The following FDPS variants were observed in gnomAD, a reference collection of about 807,000 sequenced individuals.
FDPS encodes the protein farnesyl pyrophosphate synthase.
FDPS carries 29 observed loss-of-function variants against 49.5 expected under a neutral mutation model. The ratio of observed to expected loss-of-function variants is 0.59; its 90% CI spans 0.44 to 0.80. The LOEUF is 0.80. Ranked by LOEUF, FDPS falls within the 30% of genes least tolerant of loss-of-function variation. The pLI is 0.00. For synonymous variants in FDPS, 172 were observed against 206.4 expected (o/e 0.83, Z 1.43); for missense variants, 414 against 525.6 (o/e 0.79, Z 2.08).
At chr1:155,313,197 A>G (rs1490893012) in intron 4 of FDPS, among the ~76,000 whole-genome samples, 1 of 152,232 alleles carries the variant, frequency 6.6e-6, no homozygotes, top group African/African-American at 2.4e-5. Flanking sequence ...CAATTGGCTG[A>G]AGCTGAGTGG....
Position 155,319,852 on chromosome 1 carries a change from T to C in FDPS, c.983T>C (p.Ile328Thr), listed in dbSNP as rs1468866612. 4 of 1,613,958 alleles carry C rather than the reference T, an allele frequency of 2.5e-6. No individual in the cohort carries two copies. Among genetic ancestry groups the C allele is most frequent in the East Asian group, 4.5e-5 (2 of 44,896 alleles). Residue 328 changes from isoleucine (I) to threonine (T), a missense_variant, in exon 10 of 11, where the codon ATC becomes ACC. Coordinates refer to ENST00000368356, the MANE Select transcript of FDPS (RefSeq NM_002004.4). ...GTGACCGGCAAAATTGGCACTGACA[T>C]CCAGGACAACAAATGCAGCTGGCTG... Reference protein sequence around the residue: ...PSVTGKIGTDIQDNKCSWLVV... With the variant: ...PSVTGKIGTDTQDNKCSWLVV...
At chr1:155,311,539 G>A (rs1648796898) in intron 3 of FDPS, among the ~76,000 whole-genome samples, 1 of 152,142 alleles carries the variant, frequency 6.6e-6, no homozygotes, top group Admixed American at 6.5e-5. Context: ...CTGGTAGGCA[G>A]AGGTGGCTGG....
chr1:155,319,599 C>G lies in FDPS; in HGVS notation c.847-12C>G. 3.1e-6 allele frequency: 5 copies of G among 1,613,780 alleles called. No individual in the cohort carries two copies. The highest frequency in any genetic ancestry group is 4.2e-6 in the Non-Finnish European group (5 of 1,179,958). On this transcript the variant is annotated splice_polypyrimidine_tract_variant and intron_variant, in intron 8 of 10. Coordinates refer to ENST00000368356, the MANE Select transcript of FDPS (RefSeq NM_002004.4). ...CCTGGGGTTTGGCTTATTAACCCCC[C>G]TTTCCCTGCAGGCAGGAATTGATGG...
Position 155,309,807 on chromosome 1 carries a change from G to A in FDPS, c.18G>A (p.Trp6Ter), listed in dbSNP as rs906448525. Reference sequence around the variant, plus strand: ...CTCCCAGGATGCCCCTGTCCCGCTGGTTGAGATCTGTGGGGGTCTTCCTGC... The same window carrying A: ...CTCCCAGGATGCCCCTGTCCCGCTGATTGAGATCTGTGGGGGTCTTCCTGC... The part of the protein sequence containing the change: MPLSR[W>*]LRSVGVFLLP... Residue 6 changes from tryptophan (W) to a stop codon, truncating the protein, a stop_gained, in exon 2 of 11, where the codon TGG becomes TGA. Transcript: ENST00000368356. LOFTEE classifies it high-confidence loss of function. 2 of 1,562,828 alleles carry A rather than the reference G, an allele frequency of 1.3e-6. No homozygotes were observed. Among genetic ancestry groups the A allele is most frequent in the Non-Finnish European group, 8.7e-7 (1 of 1,148,082 alleles).
intron 4 of FDPS, among the ~76,000 whole-genome samples, chr1:155,314,465 C>T (rs1177307593): frequency 6.6e-6 from 1 of 151,890 alleles, no homozygotes; most frequent in Non-Finnish European, 1.5e-5. Flanking sequence ...AGGCGTGAGC[C>T]ACCACGCCTG....
chr1:155,320,175 AAT>A (rs1278450320), intron 10 of FDPS: 1 of 644,158 alleles, frequency 1.6e-6, no homozygotes, highest in African/African-American at 1.8e-5. Context: ...CCCAAATTTC[AAT>A]AGTGCCAAGG....
At chr1:155,315,941 AAAT>A (rs1402248131) in intron 4 of FDPS, among the ~76,000 whole-genome samples, 1 of 151,966 alleles carries the variant, frequency 6.6e-6, no homozygotes, top group Admixed American at 6.5e-5. Flanking sequence ...TCTCAAAAGA[AAAT>A]AATAATAAAA....
In FDPS at chr1:155,318,259, T is replaced by C; in HGVS notation, c.652T>C (p.Tyr218His). The change falls in exon 6 of 11, where the codon TAT becomes CAT. Residue 218 changes from tyrosine to histidine, a missense_variant. By Grantham distance (83) the Tyr-to-His change is moderately conservative. Coordinates refer to ENST00000368356, the MANE Select transcript of FDPS (RefSeq NM_002004.4). The surrounding 1 kb of genome is among the most constrained non-coding windows in gnomAD (Gnocchi z 4.2). ...LLKLYCREQP[Y>H]YLNLIELFLQ... ...GAAGCTCTATTGCCGGGAGCAGCCC[T>C]ATTACCTGAACCTGATCGAGCTCTT... 1 of 1,613,528 alleles carries C rather than the reference T, an allele frequency of 6.2e-7. No homozygotes were observed. The highest frequency in any genetic ancestry group is 8.5e-7 in the Non-Finnish European group (1 of 1,180,028).
chr1:155,318,821 C>T lies in FDPS; in HGVS notation c.774-35C>T, dbSNP rs949161886. The T allele has an allele frequency of 2.5e-6, 4 of 1,576,588 alleles. No individual in the cohort carries two copies. Among genetic ancestry groups the T allele is most frequent in the Non-Finnish European group, 3.5e-6 (4 of 1,146,018 alleles). On this transcript the variant is annotated intron_variant, in intron 7 of 10. Coordinates refer to ENST00000368356, the MANE Select transcript of FDPS (RefSeq NM_002004.4). This position sits in a 1 kb window ranked among gnomAD's most constrained non-coding sequence, Gnocchi z 4.2. The stretch of plus-strand genomic sequence containing the variant: ...GAGGGAGGGCTCAGGATGTGCATTG[C>T]CCTCCTGAGGAGTTTCTCTTCTCCC...
chr1:155,311,653 G>A (rs1263670001), intron 3 of FDPS, among the ~76,000 whole-genome samples: 1 of 152,176 alleles, frequency 6.6e-6, no homozygotes, highest in Admixed American at 6.6e-5. Context: ...AGCATGTACT[G>A]AGTTTTCCGT....
rs374539729 is a variant in FDPS at position 155,318,324 on chromosome 1, G to T, written c.684+33G>T. The T allele has an allele frequency of 6.2e-7, 1 of 1,605,138 alleles. No individual in the cohort carries two copies. The highest frequency in any genetic ancestry group is 1.1e-5 in the South Asian group (1 of 91,010). ...GCAGACAGGGCCCGATGCCCAGAGG[G>T]TGCCCATGGTAGCCTTGGCCTCTAT... On this transcript the variant is annotated intron_variant, in intron 6 of 10. Coordinates refer to ENST00000368356, the MANE Select transcript of FDPS (RefSeq NM_002004.4). This position sits in a 1 kb window ranked among gnomAD's most constrained non-coding sequence, Gnocchi z 4.2.
chr1:155,315,343 G>A (rs1649222599), intron 4 of FDPS, among the ~76,000 whole-genome samples: 1 of 152,056 alleles, frequency 6.6e-6, no homozygotes, highest in Admixed American at 6.5e-5. Context: ...TCAGGAGTTC[G>A]AGACCAGCCT....
intron 8 of FDPS, among the ~76,000 whole-genome samples, 195 bp from the exon 9 acceptor site, chr1:155,319,416 C>G (rs1332204843): frequency 6.6e-6 from 1 of 152,166 alleles, no homozygotes; most frequent in African/African-American, 2.4e-5. Context: ...TTATGACTCC[C>G]AGGAAGGCCT....
intron 9 of FDPS, 36 bp from the exon 10 acceptor site, chr1:155,319,758 C>A (rs759228894): frequency 1.2e-6 from 2 of 1,614,056 alleles, no homozygotes; most frequent in Admixed American, 3.3e-5. Context: ...GGAACCTCAT[C>A]CTTCCTCTTT....
rs1557982951 is a variant in FDPS at position 155,319,599 on chromosome 1, C to CCTT, written c.847-12_847-11insCTT. On this transcript the variant is annotated splice_polypyrimidine_tract_variant and intron_variant, in intron 8 of 10. Transcript: ENST00000368356. ...CCTGGGGTTTGGCTTATTAACCCCC[C>CCTT]TTTCCCTGCAGGCAGGAATTGATGG... 1 of 1,613,780 alleles carries CCTT rather than the reference C, an allele frequency of 6.2e-7. No homozygotes were observed. Among genetic ancestry groups the CCTT allele is most frequent in the Non-Finnish European group, 8.5e-7 (1 of 1,179,958 alleles).
At chr1:155,317,859 T>C in intron 4 of FDPS, 82 bp from the exon 5 acceptor site, 10 of 1,276,052 alleles carry the variant, frequency 7.8e-6, no homozygotes, top group Non-Finnish European at 1.0e-5. Context: ...CAAAACTATA[T>C]ACAGATATAA....
At chr1:155,316,565 G>T (rs573902279) in intron 4 of FDPS, among the ~76,000 whole-genome samples, 7 of 152,224 alleles carry the variant, frequency 4.6e-5, no homozygotes, top group African/African-American at 1.4e-4. Context: ...ATCACTTGAG[G>T]TCAGGAGTTC....
chr1:155,320,419 G>T lies in FDPS; in HGVS notation c.1070G>T (p.Gly357Val), dbSNP rs1419473632. The change falls in exon 11 of 11, where the codon GGG (glycine) becomes GTG (valine). Residue 357 changes from glycine to valine, a missense_variant. Transcript: ENST00000368356. ...EQYQILKENY[G>V]QKEAEKVARV... ...TTCAACCTCTTCCAGGAAAATTACG[G>T]GCAGAAGGAGGCTGAGAAAGTGGCC... The T allele has an allele frequency of 6.2e-7, 1 of 1,613,118 alleles. No homozygotes were observed. Among genetic ancestry groups the T allele is most frequent in the Admixed American group, 1.7e-5 (1 of 59,922 alleles).
At chr1:155,310,600 C>T (rs554967256) in intron 3 of FDPS, 84 of 184,698 alleles carry the variant, frequency 4.5e-4, no homozygotes, top group African/African-American at 1.9e-3. Context: ...TGTGAGCCAC[C>T]GCGCCTGGCC....
Sources: allele counts gnomAD v4.1 joint callset (sites outside exome capture counted in the v4.1 genomes callset), GRCh38; gene constraint gnomAD v4.1.1; non-coding constraint Gnocchi (gnomAD v3.1); transcripts MANE v1.5; gene names NCBI Gene and HGNC (gene_info 2026-07-23, HGNC 2026-07-21).